PARD6G: variants seen among roughly 807,000 people sequenced by gnomAD.
PARD6G encodes par-6 family cell polarity regulator gamma, also known as partitioning defective 6 homolog gamma.
PARD6G carries 7 observed loss-of-function variants against 10.7 expected under a neutral mutation model. That is an observed-to-expected ratio of 0.66 (90% CI 0.37 to 1.23). The LOEUF (loss-of-function observed/expected upper bound fraction) is 1.23. PARD6G is among the 50% of genes most tolerant of loss of function. The probability of loss-of-function intolerance (pLI) is 0.02; values close to 1 mark genes in which losing one functional copy is unlikely to be tolerated. For synonymous variants in PARD6G, 287 were observed against 269.4 expected (o/e 1.07, Z -0.64); for missense variants, 548 against 571.8 (o/e 0.96, Z 0.42).
chr18:80,200,460 A>G lies in PARD6G; in HGVS notation c.295+2250T>C, dbSNP rs1347376056. 1.3e-5 allele frequency among the ~76,000 whole-genome samples: 2 copies of G among 152,144 alleles called. No homozygotes were observed. The highest frequency in any genetic ancestry group is 4.8e-5 in the African/African-American group (2 of 41,434). The stretch of plus-strand genomic sequence containing the variant: ...AAGCTCTGACAACAACCCCAGAGAC[A>G]GGCACTACCACCCGTGCCACAGATG... On this transcript the variant is annotated intron_variant, in intron 2 of 2. Coordinates refer to ENST00000353265, the MANE Select transcript of PARD6G (RefSeq NM_032510.4). This position sits in a 1 kb window ranked among gnomAD's most constrained non-coding sequence, Gnocchi z 4.4.
chr18:80,194,596 C>T (rs1046955431), intron 2 of PARD6G, among the ~76,000 whole-genome samples: 3 of 152,110 alleles, frequency 2.0e-5, no homozygotes, highest in Admixed American at 6.6e-5. Flanking sequence ...TTCACCCCCC[C>T]GAGATCTTAG....
At chr18:80,233,751 A>G (rs1967386518) in intron 1 of PARD6G, among the ~76,000 whole-genome samples, 1 of 152,174 alleles carries the variant, frequency 6.6e-6, no homozygotes, top group African/African-American at 2.4e-5. Flanking sequence ...GGGCCTCTTG[A>G]GGGCTTATGC....
Position 80,181,072 on chromosome 18 carries a change from C to G in PARD6G, c.296-20466G>C, listed in dbSNP as rs1050412641. Among the ~76,000 whole-genome samples the G allele has an allele frequency of 6.6e-6, 1 of 152,160 alleles. No homozygotes were observed. Among genetic ancestry groups the G allele is most frequent in the East Asian group, 1.9e-4 (1 of 5,194 alleles). ...TGTTCAAAGGTCTGAACCTCACGCG[C>G]GATCTCGACATTAGAACATGGGCTG... On this transcript the variant is annotated intron_variant, in intron 2 of 2. Transcript: ENST00000353265. This position sits in a 1 kb window ranked among gnomAD's most constrained non-coding sequence, Gnocchi z 7.9.
chr18:80,229,693 T>C (rs936650013), intron 1 of PARD6G, among the ~76,000 whole-genome samples: 1 of 152,314 alleles, frequency 6.6e-6, no homozygotes, highest in Non-Finnish European at 1.5e-5. Context: ...AATCCACACA[T>C]GCAAATATGT....
intron 2 of PARD6G, among the ~76,000 whole-genome samples, chr18:80,194,200 C>T (rs146865401): frequency 9.7e-4 from 147 of 152,296 alleles, no homozygotes; most frequent in African/African-American, 2.9e-3. Context: ...GAAAACAACA[C>T]GGCCTTAATG....
intron 1 of PARD6G, among the ~76,000 whole-genome samples, chr18:80,213,995 A>G (rs1422629179): frequency 6.6e-6 from 1 of 151,796 alleles, no homozygotes; most frequent in East Asian, 1.9e-4. Flanking sequence ...AGAGATACAC[A>G]AAGAAACTGA....
At chr18:80,164,488 A>G (rs2052722245) in intron 2 of PARD6G, among the ~76,000 whole-genome samples, 1 of 152,228 alleles carries the variant, frequency 6.6e-6, no homozygotes, top group African/African-American at 2.4e-5. Context: ...TCACGTCACA[A>G]CTGAATGTCA....
chr18:80,176,613 G>C (rs778005358), intron 2 of PARD6G, among the ~76,000 whole-genome samples: 1 of 152,166 alleles, frequency 6.6e-6, no homozygotes. Context: ...CTATGGAAGG[G>C]GGTGCAGGCA....
In PARD6G at chr18:80,247,051, C is replaced by A. The variant is rs1176195986; in HGVS notation, c.72+226G>T. Among the ~76,000 whole-genome samples, 2 of 152,110 alleles carry A rather than the reference C, an allele frequency of 1.3e-5. No individual in the cohort carries two copies. Among genetic ancestry groups the A allele is most frequent in the African/African-American group, 4.8e-5 (2 of 41,432 alleles). On this transcript the variant is annotated intron_variant, in intron 1 of 2. Transcript: ENST00000353265. This position sits in a 1 kb window ranked among gnomAD's most constrained non-coding sequence, Gnocchi z 4.2. Reference sequence around the variant, plus strand: ...TCTGCCCGGACTGTCCGATGGCCCTCGGCCCTCTGAGCGCCGCGGCTGCCG... The same window carrying A: ...TCTGCCCGGACTGTCCGATGGCCCTAGGCCCTCTGAGCGCCGCGGCTGCCG...
intron 1 of PARD6G, among the ~76,000 whole-genome samples, chr18:80,222,583 C>T (rs372044367): frequency 6.6e-6 from 1 of 152,258 alleles, no homozygotes; most frequent in East Asian, 1.9e-4. Context: ...AATTTCAAAA[C>T]TTACACATAG....
At chr18:80,193,268 A>G (rs1203897864) in intron 2 of PARD6G, among the ~76,000 whole-genome samples, 1 of 152,172 alleles carries the variant, frequency 6.6e-6, no homozygotes, top group African/African-American at 2.4e-5. Context: ...GGCCTCACGC[A>G]TGGCCTGGGG....
rs1043570520 is a variant in PARD6G at position 80,188,171 on chromosome 18, A to C, written c.295+14539T>G. The stretch of plus-strand genomic sequence containing the variant: ...TTTTACAGTATTTCTATCCCTCCTC[A>C]GTCTCTGCTACAGTTAATTAGATAC... On this transcript the variant is annotated intron_variant, in intron 2 of 2. Transcript: ENST00000353265. The surrounding 1 kb of genome is among the most constrained non-coding windows in gnomAD (Gnocchi z 5.4). 1.3e-5 allele frequency among the ~76,000 whole-genome samples: 2 copies of C among 152,118 alleles called. No individual in the cohort carries two copies. Among genetic ancestry groups the C allele is most frequent in the Admixed American group, 6.5e-5 (1 of 15,280 alleles).
intron 2 of PARD6G, chr18:80,197,695 G>T (rs1966970659): frequency 6.6e-6 from 1 of 152,194 alleles, no homozygotes; most frequent in Non-Finnish European, 1.5e-5. Flanking sequence ...TGATGGATAA[G>T]CAGGGAAAAG....
At chr18:80,198,003 G>A (rs1233516591) in intron 2 of PARD6G, among the ~76,000 whole-genome samples, 1 of 152,140 alleles carries the variant, frequency 6.6e-6, no homozygotes, top group Non-Finnish European at 1.5e-5. Flanking sequence ...TGTGTCCAAG[G>A]GAAAAGCCCA....
intron 1 of PARD6G, among the ~76,000 whole-genome samples, chr18:80,208,149 ACTGG>A (rs1482922127): frequency 3.9e-5 from 6 of 152,130 alleles, no homozygotes; most frequent in Admixed American, 1.3e-4. Flanking sequence ...TTTAGATTTC[ACTGG>A]CTGTATTTAG....
chr18:80,214,708 C>T (rs1279540786), intron 1 of PARD6G, among the ~76,000 whole-genome samples: 2 of 151,940 alleles, frequency 1.3e-5, no homozygotes, highest in African/African-American at 4.8e-5. Flanking sequence ...ATGAACAGAG[C>T]CTCAGAGGTC....
At chr18:80,176,846 AGGATACACACACATGCAC>A (rs1315388300) in intron 2 of PARD6G, among the ~76,000 whole-genome samples, 2 of 152,130 alleles carry the variant, frequency 1.3e-5, no homozygotes, top group African/African-American at 2.4e-5. Context: ...GAAAACAAAC[AGGATACACACACATGCAC>A]GGGATAAGTC....
rs1380771883 is a variant in PARD6G at position 80,164,294 on chromosome 18, C to T, written c.296-3688G>A. Among the ~76,000 whole-genome samples, 3 of 152,182 alleles carry T rather than the reference C, an allele frequency of 2.0e-5. No individual in the cohort carries two copies. In the East Asian group the frequency reaches 5.8e-4, roughly 29 times the overall value. On this transcript the variant is annotated intron_variant, in intron 2 of 2. Coordinates refer to ENST00000353265, the MANE Select transcript of PARD6G (RefSeq NM_032510.4). Reference sequence around the variant, plus strand: ...AGTGGGCCTCTCCTCCCTCAAAACACTTAGGGGCCATCCTAACAGCCCCTC... The same window carrying T: ...AGTGGGCCTCTCCTCCCTCAAAACATTTAGGGGCCATCCTAACAGCCCCTC...
chr18:80,177,174 C>CAT lies in PARD6G; in HGVS notation c.296-16570_296-16569dup, dbSNP rs2052815287. ...AATCACAGCCTAAATGGGAAACACA[C>CAT]ATACACACACACCACAGTATAAATC... is the stretch of plus-strand genomic sequence containing the variant. On this transcript the variant is annotated intron_variant, in intron 2 of 2. Transcript: ENST00000353265. Among the ~76,000 whole-genome samples the CAT allele has an allele frequency of 4.3e-5, 6 of 140,494 alleles. No individual in the cohort carries two copies. In the South Asian group the frequency reaches 1.4e-3, roughly 33 times the overall value. The allele number at this position is 140,494 out of a possible 152,430, so 92.2% of individuals were successfully genotyped here. A position where few individuals can be genotyped will look rare whatever the true frequency, so the allele number is the denominator to read the frequency against.
Sources: gnomAD v4.1 joint callset for allele counts (sites outside exome capture counted in the v4.1 genomes callset) on GRCh38, gnomAD v4.1.1 for gene constraint, Gnocchi (gnomAD v3.1) non-coding constraint, MANE v1.5 for transcripts, NCBI Gene and HGNC (gene_info 2026-07-23, HGNC 2026-07-21) for gene names.